The following MACF1 variants were observed in gnomAD, a reference collection of about 807,000 sequenced individuals.
MACF1 encodes microtubule actin crosslinking factor 1, also known as microtubule-actin cross-linking factor 1.
Under a neutral mutation model 854.8 loss-of-function variants are expected in MACF1, and 193 were observed. That is an observed-to-expected ratio of 0.23 (90% CI 0.20 to 0.25). MACF1 has a LOEUF of 0.25. Ranked by LOEUF, MACF1 falls within the 10% of genes least tolerant of loss-of-function variation. The pLI is 1.00. For synonymous variants in MACF1, 3,185 were observed against 3,226.7 expected, an observed-to-expected ratio of 0.99 and a Z score of 0.44; for missense variants, 7,722 against 8,929.1, an observed-to-expected ratio of 0.86 and a Z score of 5.45.
In MACF1 at chr1:39,353,173, G is replaced by A; in HGVS notation, c.11366G>A (p.Gly3789Asp). Residue 3789 changes from glycine to aspartate, a missense_variant, in exon 44 of 101, where the codon GGT becomes GAT. Transcript: ENST00000564288. ...AAAGGAGCCTTGGACACCACTGATG[G>A]TTACATGGGGGTGAATCAAGCCCCA... Reference protein sequence around the residue: ...LEKGALDTTDGYMGVNQAPEK... With the variant: ...LEKGALDTTDDYMGVNQAPEK... The A allele has an allele frequency of 6.2e-7, 1 of 1,612,950 alleles. No individual in the cohort carries two copies. The highest frequency in any genetic ancestry group is 8.5e-7 in the Non-Finnish European group (1 of 1,178,972).
At chr1:39,329,939 A>T (rs879439244) in intron 36 of MACF1, among the ~76,000 whole-genome samples, 2 of 152,206 alleles carry the variant, frequency 1.3e-5, no homozygotes, top group Non-Finnish European at 2.9e-5. Flanking sequence ...GGGAGGACAA[A>T]CAAGATTTAG....
intron 2 of MACF1, chr1:39,120,994 T>C (rs1177945607): frequency 1.3e-5 from 2 of 152,412 alleles, no homozygotes; most frequent in African/African-American, 2.4e-5. Flanking sequence ...GGGGCCTCCC[T>C]AACCTCTCTG....
Position 39,435,684 on chromosome 1 carries a change from A to G in MACF1, c.17911A>G (p.Asn5971Asp). The G allele has an allele frequency of 1.9e-6, 3 of 1,614,176 alleles. No homozygotes were observed. The highest frequency in any genetic ancestry group is 2.5e-6 in the Non-Finnish European group (3 of 1,180,028). Residue 5971 changes from asparagine (N) to aspartate (D), a missense_variant, in exon 70 of 101, where the codon AAC (asparagine) becomes GAC (aspartate). Asn to Asp is a conservative substitution (Grantham distance 23, BLOSUM62 1). Coordinates refer to ENST00000564288, the MANE Select transcript of MACF1 (RefSeq NM_001394062.1). ...GGAAGAAAAATACCAGAAAGCAGAAAACATGTATGCCCAAATAAAGGAGGA... is the reference window on the plus strand; with the variant it reads ...GGAAGAAAAATACCAGAAAGCAGAAGACATGTATGCCCAAATAAAGGAGGA... ...MVEEKYQKAE[N>D]MYAQIKEEVR...
At chr1:39,288,767 G>C (rs1272513372) in intron 15 of MACF1, among the ~76,000 whole-genome samples, 1 of 152,134 alleles carries the variant, frequency 6.6e-6, no homozygotes, top group Non-Finnish European at 1.5e-5. Flanking sequence ...GCTCCAGCCT[G>C]GGCAACAGAG....
In MACF1 at chr1:39,230,502, G is replaced by A. The variant is rs1644765179; in HGVS notation, c.110-680G>A. Among the ~76,000 whole-genome samples, 3 of 151,994 alleles carry A rather than the reference G, an allele frequency of 2.0e-5. No individual in the cohort carries two copies. The South Asian group carries it at 6.2e-4, about 32-fold the overall frequency. On this transcript the variant is annotated intron_variant, in intron 1 of 100. Transcript: ENST00000564288. ...GGCTCTGGGGAATTGGCAGGAGTCG[G>A]AGAAAGTAAGTCCTTTACAGGATAA...
intron 2 of MACF1, among the ~76,000 whole-genome samples, chr1:39,159,511 G>T (rs1191690645): frequency 2.6e-5 from 4 of 152,200 alleles, no homozygotes; most frequent in Non-Finnish European, 5.9e-5. Context: ...CTATTTGTAA[G>T]CCCATTGTAA....
chr1:39,299,394 T>A, intron 21 of MACF1: 14 of 390,656 alleles, frequency 3.6e-5, no homozygotes, highest in South Asian at 2.7e-4. Context: ...GAGACTTTTA[T>A]ACCTCAAAAT....
intron 90 of MACF1, 140 bp from the exon 91 acceptor site, chr1:39,458,946 T>C: frequency 1.3e-6 from 1 of 753,508 alleles, no homozygotes; most frequent in South Asian, 1.9e-5. Flanking sequence ...CCTCCGTATC[T>C]AAATATTGCC....
At chr1:39,293,729 G>A in intron 18 of MACF1, 110 bp downstream of exon 18, 2 of 1,007,444 alleles carry the variant, frequency 2.0e-6, no homozygotes, top group South Asian at 3.8e-5. Context: ...CTGCTAGATA[G>A]AAATAGGGGC....
intron 58 of MACF1, among the ~76,000 whole-genome samples, chr1:39,388,872 C>CTTTTTTTT (rs548104092): frequency 7.6e-4 from 66 of 87,236 alleles, no homozygotes; most frequent in African/African-American, 1.2e-3. Context: ...TCTTCTTCTT[C>CTTTTTTTT]TTTTTTTTTT....
chr1:39,346,874 T>TA, intron 40 of MACF1, 103 bp from the exon 41 acceptor site: 1 of 764,622 alleles, frequency 1.3e-6, no homozygotes, highest in Non-Finnish European at 2.2e-6. Context: ...GTTATGAAAA[T>TA]ACAGGAAATT....
chr1:39,123,092 CAGG>C (rs1642759083), intron 2 of MACF1, among the ~76,000 whole-genome samples: 1 of 151,698 alleles, frequency 6.6e-6, no homozygotes. Flanking sequence ...GGTGGTGATC[CAGG>C]AGGAGGAGGA....
intron 70 of MACF1, 98 bp downstream of exon 70, chr1:39,435,859 G>GCA: frequency 1.9e-6 from 2 of 1,067,692 alleles, no homozygotes; most frequent in Non-Finnish European, 2.8e-6. Flanking sequence ...AATGTCCAGA[G>GCA]CAGCATGTTA....
chr1:39,324,985 A>G (rs1167631100), intron 35 of MACF1, among the ~76,000 whole-genome samples: 1 of 152,244 alleles, frequency 6.6e-6, no homozygotes, highest in East Asian at 1.9e-4. Flanking sequence ...ATGTGGTGAG[A>G]ATAGAGGCTG....
At position 39,388,266 on chromosome 1, in the gene MACF1, C is replaced by T. The variant is rs1164658065; in HGVS notation, c.15424C>T (p.Leu5142=). 3.7e-6 allele frequency: 6 copies of T among 1,614,196 alleles called. No homozygotes were observed. The Admixed American group carries it at 1.0e-4, about 27-fold the overall frequency. Residue 5142 remains leucine, a synonymous_variant, in exon 58 of 101, where the codon CTA becomes TTA. Transcript: ENST00000564288. ...TCAATTGGCAGACCTGGATGATGAG[C>T]TAGATGGCATGGGTGCTATTGGCAG... ...FSQLADLDDE[L]DGMGAIGRDT... is the part of the protein sequence containing the mutation.
chr1:39,327,836 C>G (rs1646645259), intron 36 of MACF1, among the ~76,000 whole-genome samples: 1 of 152,160 alleles, frequency 6.6e-6, no homozygotes, highest in Non-Finnish European at 1.5e-5. Context: ...TTCCCCTCAC[C>G]CATAGTCATC....
intron 91 of MACF1, 28 bp downstream of exon 91, chr1:39,459,277 G>T: frequency 6.3e-7 from 1 of 1,585,206 alleles, no homozygotes; most frequent in South Asian, 1.1e-5. Flanking sequence ...GGCCTTCCCT[G>T]AAACAAAGTG....
At chr1:39,173,229 AT>A (rs1285419767) in intron 2 of MACF1, among the ~76,000 whole-genome samples, 1 of 151,418 alleles carries the variant, frequency 6.6e-6, no homozygotes, top group Non-Finnish European at 1.5e-5. Flanking sequence ...AGTCCCAGCT[AT>A]TCGGGAGGCT....
In MACF1 at chr1:39,479,949, G is replaced by A. The variant is rs756870161; in HGVS notation, c.22110G>A (p.Gln7370=). 19 of 1,614,062 alleles carry A rather than the reference G, an allele frequency of 1.2e-5. No individual in the cohort carries two copies. Among genetic ancestry groups the A allele is most frequent in the Non-Finnish European group, 1.6e-5 (19 of 1,180,050 alleles). The part of the protein sequence containing the change: ...SPTRSSSSAS[Q]SNHSCTSMPS... ...CTCGTTCCAGCTCCAGTGCTAGTCA[G>A]AGTAACCACAGCTGTACATCCATGC... Residue 7370 remains glutamine (Q), a synonymous_variant, in exon 98 of 101, where the codon CAG becomes CAA. Transcript: ENST00000564288.
Sources: gnomAD v4.1 joint callset for allele counts (sites outside exome capture counted in the v4.1 genomes callset) on GRCh38, gnomAD v4.1.1 for gene constraint, MANE v1.5 for transcripts, NCBI Gene and HGNC (gene_info 2026-07-23, HGNC 2026-07-21) for gene names.